JMJD1C: variants seen among roughly 807,000 people sequenced by gnomAD.
JMJD1C encodes the protein jumonji domain containing 1C.
In JMJD1C, 31 loss-of-function variants were observed where a neutral mutation model predicts 245.3. The observed-to-expected ratio is 0.13, with a 90% CI of 0.09 to 0.17. The LOEUF (loss-of-function observed/expected upper bound fraction) is 0.17. Ranked by LOEUF, JMJD1C falls within the 10% of genes least tolerant of loss-of-function variation. JMJD1C has a pLI of 1.00. For missense variants in JMJD1C, 2,691 were observed against 3,000.2 expected (o/e 0.90, Z 2.41); for synonymous variants, 1,057 against 1,017.4 (o/e 1.04, Z -0.74).
At position 63,460,180 on chromosome 10, in the gene JMJD1C, G is replaced by A. The variant is rs189962086; in HGVS notation, c.168+5315C>T. Reference sequence around the variant, plus strand: ...ATAGAATGGATACTGCGGAGGGGAAGGTACACAGTGCCATAAGAGAAACAA... The same window carrying A: ...ATAGAATGGATACTGCGGAGGGGAAAGTACACAGTGCCATAAGAGAAACAA... On this transcript the variant is annotated intron_variant, in intron 1 of 25. Coordinates refer to ENST00000399262, the MANE Select transcript of JMJD1C (RefSeq NM_032776.3). Among the ~76,000 whole-genome samples the A allele has an allele frequency of 4.7e-3, 717 of 152,228 alleles. 7 individuals carry two copies. Among genetic ancestry groups the A allele is most frequent in the South Asian group, 0.019 (91 of 4,826 alleles).
intron 3 of JMJD1C, among the ~76,000 whole-genome samples, chr10:63,245,478 C>CTTTTTTTTTTTTT (rs71025134): frequency 1.0e-4 from 9 of 90,198 alleles, no homozygotes; most frequent in East Asian, 7.7e-4. Context: ...CAGGGGAACT[C>CTTTTTTTTTTTTT]TTTTTTTTTT....
intron 2 of JMJD1C, among the ~76,000 whole-genome samples, chr10:63,277,580 T>C (rs563463776): frequency 2.6e-5 from 4 of 152,130 alleles, no homozygotes; most frequent in African/African-American, 9.6e-5. Context: ...CAAAAAAAGA[T>C]ATTTTGGGGA....
At chr10:63,286,504 T>C (rs1363385117) in intron 2 of JMJD1C, among the ~76,000 whole-genome samples, 2 of 152,166 alleles carry the variant, frequency 1.3e-5, no homozygotes, top group South Asian at 2.1e-4. Context: ...AACAGATCAG[T>C]TTCCTGGTCA....
chr10:63,458,471 G>A (rs903234099), intron 1 of JMJD1C, among the ~76,000 whole-genome samples: 33 of 151,044 alleles, frequency 2.2e-4, no homozygotes, highest in Non-Finnish European at 3.8e-4. Context: ...GCAACAGAGC[G>A]AGACCCTGTC....
At chr10:63,242,718 T>A (rs1299707294) in intron 3 of JMJD1C, among the ~76,000 whole-genome samples, 1 of 152,132 alleles carries the variant, frequency 6.6e-6, no homozygotes, top group African/African-American at 2.4e-5. Flanking sequence ...AGAGCGAGAC[T>A]CTGTCTCAAA....
At chr10:63,297,894 T>G (rs113738087) in intron 2 of JMJD1C, among the ~76,000 whole-genome samples, 59 of 152,308 alleles carry the variant, frequency 3.9e-4, no homozygotes, top group African/African-American at 1.3e-3. Context: ...AGCCCAGACC[T>G]CAGGGCTCCT....
At chr10:63,238,088 T>C (rs1377059396) in intron 3 of JMJD1C, among the ~76,000 whole-genome samples, 1 of 130,666 alleles carries the variant, frequency 7.7e-6, no homozygotes, top group African/African-American at 3.0e-5. Flanking sequence ...GGCTGAGGCA[T>C]GAGAATCGCT....
chr10:63,183,691 T>C (rs1843748996), intron 21 of JMJD1C, 122 bp from the exon 22 acceptor site: 1 of 548,358 alleles, frequency 1.8e-6, no homozygotes. Flanking sequence ...TTAGTTTCCT[T>C]ATTACAAAAA....
At chr10:63,356,835 T>A (rs1038052602) in intron 2 of JMJD1C, among the ~76,000 whole-genome samples, 5 of 152,288 alleles carry the variant, frequency 3.3e-5, no homozygotes, top group African/African-American at 1.2e-4. Context: ...CACTTTTAAC[T>A]TTATACTATT....
intron 2 of JMJD1C, among the ~76,000 whole-genome samples, chr10:63,311,318 G>A (rs1433912120): frequency 6.6e-6 from 1 of 152,028 alleles, no homozygotes; most frequent in Non-Finnish European, 1.5e-5. Context: ...AGTGGAGGTT[G>A]CAGTGAGCTG....
At chr10:63,276,374 G>A (rs1389475848) in intron 2 of JMJD1C, among the ~76,000 whole-genome samples, 1 of 151,392 alleles carries the variant, frequency 6.6e-6, no homozygotes, top group Admixed American at 6.6e-5. Context: ...GCTGAAGCAG[G>A]AGAATGGCGT....
chr10:63,355,664 T>C (rs1042002017), intron 2 of JMJD1C, among the ~76,000 whole-genome samples: 4 of 151,688 alleles, frequency 2.6e-5, no homozygotes, highest in Admixed American at 1.3e-4. Flanking sequence ...TGTGTGAGAG[T>C]TGCTCTTGGT....
intron 3 of JMJD1C, among the ~76,000 whole-genome samples, chr10:63,258,703 TTC>T (rs1325563941): frequency 6.6e-6 from 1 of 152,190 alleles, no homozygotes; most frequent in Non-Finnish European, 1.5e-5. Context: ...ATCTTTGTAT[TTC>T]GGAAGTTTTT....
rs774647415 is a variant in JMJD1C at position 63,206,758 on chromosome 10, C to T, written c.4911G>A (p.Lys1637=). ...ESGDSDESES[K]SEQRTKRQPK... is the part of the protein sequence containing the mutation. ...GTTGTCTTTTAGTCCTTTGCTCTGA[C>T]TTGCTTTCACTTTCATCTGAGTCTC... is the stretch of plus-strand genomic sequence containing the variant. Residue 1637 remains lysine, a synonymous_variant, in exon 10 of 26, where the codon AAG becomes AAA. Transcript: ENST00000399262. 6 of 1,611,812 alleles carry T rather than the reference C, an allele frequency of 3.7e-6. No individual in the cohort carries two copies. Among genetic ancestry groups the T allele is most frequent in the Middle Eastern group, 1.7e-4 (1 of 6,052 alleles).
intron 3 of JMJD1C, among the ~76,000 whole-genome samples, chr10:63,233,847 C>G (rs1471960615): frequency 6.6e-6 from 1 of 151,630 alleles, no homozygotes; most frequent in Non-Finnish European, 1.5e-5. Flanking sequence ...GAATAATCTA[C>G]TTTGCTATGC....
At chr10:63,197,315 G>A (rs1845567704) in intron 13 of JMJD1C, 96 bp downstream of exon 13, 1 of 1,042,790 alleles carries the variant, frequency 9.6e-7, no homozygotes, top group Non-Finnish European at 1.4e-6. Flanking sequence ...CATTAATAAG[G>A]AAAGTAGGAA....
chr10:63,193,946 G>A (rs1418495954), intron 14 of JMJD1C, among the ~76,000 whole-genome samples: 1 of 152,216 alleles, frequency 6.6e-6, no homozygotes, highest in Non-Finnish European at 1.5e-5. Flanking sequence ...GATTACAGGC[G>A]TGAGCCACTG....
At chr10:63,344,828 A>G (rs1943675276) in intron 2 of JMJD1C, among the ~76,000 whole-genome samples, 1 of 152,210 alleles carries the variant, frequency 6.6e-6, no homozygotes, top group Non-Finnish European at 1.5e-5. Context: ...GTACCACTAC[A>G]TATCTAACAG....
intron 3 of JMJD1C, among the ~76,000 whole-genome samples, chr10:63,263,909 G>A (rs1855130685): frequency 6.9e-6 from 1 of 145,676 alleles, no homozygotes; most frequent in African/African-American, 2.6e-5. Context: ...TCCAGCCTGG[G>A]TGAAAGAGTG....
Sources: gnomAD v4.1 joint callset for allele counts (sites outside exome capture counted in the v4.1 genomes callset) on GRCh38, gnomAD v4.1.1 for gene constraint, MANE v1.5 for transcripts, NCBI Gene and HGNC (gene_info 2026-07-23, HGNC 2026-07-21) for gene names.